HDAC9: variants seen among roughly 807,000 people sequenced by gnomAD.
HDAC9 encodes histone deacetylase 9.
HDAC9 carries 41 observed loss-of-function variants against 139.4 expected under a neutral mutation model. The ratio of observed to expected loss-of-function variants is 0.29; its 90% CI spans 0.23 to 0.38. The LOEUF is 0.38. Among genes scored for constraint, HDAC9 ranks in the 10% least tolerant of loss-of-function variants. HDAC9 has a pLI of 1.00. For missense variants in HDAC9, 1,147 were observed against 1,297.0 expected (o/e 0.88, Z 1.78); for synonymous variants, 517 against 476.2 (o/e 1.09, Z -1.12).
At chr7:18,957,091 G>C (rs906724625) in intron 24 of HDAC9, among the ~76,000 whole-genome samples, 5 of 152,006 alleles carry the variant, frequency 3.3e-5, no homozygotes, top group Non-Finnish European at 5.9e-5. Context: ...TTAAATGTCA[G>C]TTGAGAGGGC....
chr7:18,307,435 TTGTTACCA>T (rs1490283663), intron 1 of HDAC9, among the ~76,000 whole-genome samples: 5 of 152,342 alleles, frequency 3.3e-5, no homozygotes, highest in African/African-American at 1.2e-4. Context: ...CCCAAAGTTC[TTGTTACCA>T]TGTCATTTTC....
chr7:18,595,868 C>T (rs958742448), intron 6 of HDAC9, among the ~76,000 whole-genome samples: 3 of 151,992 alleles, frequency 2.0e-5, no homozygotes, highest in Non-Finnish European at 4.4e-5. Context: ...CCACTGTTGC[C>T]ATGCGAACAG....
At chr7:18,916,119 C>T (rs1407964965) in intron 22 of HDAC9, among the ~76,000 whole-genome samples, 3 of 151,408 alleles carry the variant, frequency 2.0e-5, no homozygotes, top group East Asian at 1.9e-4. Flanking sequence ...CTTGGGATGA[C>T]GGAAGCAGAC....
At position 18,829,228 on chromosome 7, in the gene HDAC9, G is replaced by A; in HGVS notation, c.2378+12G>A. ...GAATCCACAGCCATGTAAGTACCAG[G>A]GACTGTTGCCCATCTCCAAGCACCA... On this transcript the variant is annotated intron_variant, in intron 18 of 25. Transcript: ENST00000686413. The A allele has an allele frequency of 6.2e-7, 1 of 1,604,550 alleles. No homozygotes were observed. The highest frequency in any genetic ancestry group is 2.2e-5 in the East Asian group (1 of 44,838).
intron 1 of HDAC9, among the ~76,000 whole-genome samples, chr7:18,317,637 A>T (rs750543114): frequency 6.6e-6 from 1 of 152,164 alleles, no homozygotes; most frequent in South Asian, 2.1e-4. Flanking sequence ...TGCTTGTGCC[A>T]TATCTGTGTT....
At chr7:18,454,324 T>G (rs1187503996) in intron 1 of HDAC9, among the ~76,000 whole-genome samples, 1 of 152,118 alleles carries the variant, frequency 6.6e-6, no homozygotes, top group African/African-American at 2.4e-5. Flanking sequence ...TACTTTATAA[T>G]AGCAGTGTTT....
At chr7:18,824,994 C>G (rs1795304927) in intron 17 of HDAC9, among the ~76,000 whole-genome samples, 1 of 152,196 alleles carries the variant, frequency 6.6e-6, no homozygotes, top group African/African-American at 2.4e-5. Flanking sequence ...TTAAAGAGAA[C>G]TCATTGGTCT....
chr7:18,903,236 G>A (rs939517940), intron 22 of HDAC9, among the ~76,000 whole-genome samples: 2 of 152,230 alleles, frequency 1.3e-5, no homozygotes, highest in Admixed American at 1.3e-4. Context: ...GCCCTTCTAA[G>A]CAATAACATG....
At chr7:18,565,904 TTC>T (rs1385157168) in intron 2 of HDAC9, among the ~76,000 whole-genome samples, 1 of 152,088 alleles carries the variant, frequency 6.6e-6, no homozygotes, top group Non-Finnish European at 1.5e-5. Flanking sequence ...TGGTTTCTAA[TTC>T]TGGGCAATTT....
At chr7:18,955,954 C>T (rs1783117284) in intron 24 of HDAC9, among the ~76,000 whole-genome samples, 1 of 152,148 alleles carries the variant, frequency 6.6e-6, no homozygotes, top group Non-Finnish European at 1.5e-5. Context: ...TCTTTAGAAA[C>T]TCTACTGTTG....
At chr7:18,090,196 C>T (rs1326117768) in intron 1 of HDAC9, among the ~76,000 whole-genome samples, 2 of 152,192 alleles carry the variant, frequency 1.3e-5, no homozygotes, top group African/African-American at 2.4e-5. Context: ...CATAGTGAAT[C>T]AGTGTGAAGC....
At chr7:18,391,745 T>G (rs983896456) in intron 1 of HDAC9, among the ~76,000 whole-genome samples, 4 of 152,196 alleles carry the variant, frequency 2.6e-5, no homozygotes, top group Admixed American at 2.6e-4. Context: ...TATAAACCCC[T>G]CACTTAGTAC....
At chr7:18,856,865 C>A (rs1797719359) in intron 21 of HDAC9, among the ~76,000 whole-genome samples, 1 of 152,176 alleles carries the variant, frequency 6.6e-6, no homozygotes, top group African/African-American at 2.4e-5. Context: ...ACATTACTGT[C>A]TTTCCCTGAA....
chr7:18,473,887 GTACAGTAAATAA>G (rs1794915027), intron 1 of HDAC9, among the ~76,000 whole-genome samples: 1 of 152,136 alleles, frequency 6.6e-6, no homozygotes, highest in African/African-American at 2.4e-5. Flanking sequence ...TATATTAGCT[GTACAGTAAATAA>G]TGCTATAAAA....
intron 24 of HDAC9, among the ~76,000 whole-genome samples, chr7:18,967,088 C>T (rs777795429): frequency 2.6e-5 from 4 of 152,036 alleles, no homozygotes; most frequent in South Asian, 2.1e-4. Context: ...AAATCACAGA[C>T]GAACACTGAA....
At chr7:18,568,745 A>G (rs910404380) in intron 2 of HDAC9, among the ~76,000 whole-genome samples, 3 of 152,264 alleles carry the variant, frequency 2.0e-5, no homozygotes, top group Middle Eastern at 3.4e-3. Context: ...GGGACATCCC[A>G]CCATGTGAGA....
intron 21 of HDAC9, among the ~76,000 whole-genome samples, chr7:18,841,207 A>T (rs1008879930): frequency 1.3e-5 from 2 of 152,090 alleles, no homozygotes; most frequent in Non-Finnish European, 2.9e-5. Context: ...ACTGAAAAAG[A>T]GGTTTCTAAA....
In HDAC9 at chr7:18,552,953, A is replaced by G. The variant is rs189042980; in HGVS notation, c.23-32328A>G. Among the ~76,000 whole-genome samples, 10 of 152,320 alleles carry G rather than the reference A, an allele frequency of 6.6e-5. No homozygotes were observed. In the East Asian group the frequency reaches 1.5e-3, roughly 24 times the overall value. ...CAAGCTTGAAAACCATTTCTAATCCAAGTGTACTGGCAGCGTGTTATTTTC... is the reference window on the plus strand; with the variant it reads ...CAAGCTTGAAAACCATTTCTAATCCGAGTGTACTGGCAGCGTGTTATTTTC... On this transcript the variant is annotated intron_variant, in intron 2 of 25. Transcript: ENST00000686413.
At chr7:18,144,160 A>T (rs1013458977) in intron 1 of HDAC9, among the ~76,000 whole-genome samples, 1 of 152,212 alleles carries the variant, frequency 6.6e-6, no homozygotes, top group African/African-American at 2.4e-5. Flanking sequence ...TGAATAATAC[A>T]TGTTTATTTT....
Sources: gnomAD v4.1 joint callset for allele counts (sites outside exome capture counted in the v4.1 genomes callset) on GRCh38, gnomAD v4.1.1 for gene constraint, MANE v1.5 for transcripts, NCBI Gene and HGNC (gene_info 2026-07-23, HGNC 2026-07-21) for gene names.